Variants in GRID2 observed in about 807,000 individuals in gnomAD.
GRID2 encodes glutamate receptor ionotropic, delta-2.
In GRID2, 33 loss-of-function variants were observed where a neutral mutation model predicts 114.8. The observed-to-expected ratio is 0.29, with a 90% confidence interval of 0.22 to 0.38. The LOEUF is 0.38. Among genes scored for constraint, GRID2 ranks in the 10% least tolerant of loss-of-function variants. GRID2 has a pLI of 1.00. For synonymous variants in GRID2, 505 were observed against 449.9 expected, an observed-to-expected ratio of 1.12 and a Z score of -1.55; for missense variants, 1,184 against 1,257.7, an observed-to-expected ratio of 0.94 and a Z score of 0.89.
At chr4:92,475,661 T>C (rs1461159219) in intron 1 of GRID2, among the ~76,000 whole-genome samples, 1 of 152,016 alleles carries the variant, frequency 6.6e-6, no homozygotes, top group Non-Finnish European at 1.5e-5. Flanking sequence ...TTGGGGTCTT[T>C]TATGGTTCTG....
At chr4:93,148,630 A>T (rs1054423575) in intron 4 of GRID2, among the ~76,000 whole-genome samples, 2 of 152,174 alleles carry the variant, frequency 1.3e-5, no homozygotes, top group African/African-American at 4.8e-5. Flanking sequence ...AGGAGGTATT[A>T]GTTTAAATAT....
chr4:93,320,516 T>TC (rs1462025163), intron 8 of GRID2, among the ~76,000 whole-genome samples: 2 of 151,998 alleles, frequency 1.3e-5, no homozygotes, highest in African/African-American at 4.8e-5. Context: ...CTTCTGTAAG[T>TC]GATTTTTGAG....
chr4:93,363,383 G>A (rs911996841), intron 8 of GRID2, among the ~76,000 whole-genome samples: 1 of 152,028 alleles, frequency 6.6e-6, no homozygotes, highest in Non-Finnish European at 1.5e-5. Context: ...CCCTCGATGT[G>A]GTTAAGAGGA....
intron 13 of GRID2, among the ~76,000 whole-genome samples, chr4:93,571,744 A>T (rs1003450163): frequency 6.6e-6 from 1 of 152,156 alleles, no homozygotes. Flanking sequence ...AATGCATAGT[A>T]ATGCATAGCT....
intron 10 of GRID2, among the ~76,000 whole-genome samples, chr4:93,424,527 T>G (rs1185074354): frequency 6.6e-6 from 1 of 152,180 alleles, no homozygotes. Context: ...CATATATTAT[T>G]TCTGATGAGA....
At chr4:93,632,147 T>G (rs144326077) in intron 14 of GRID2, among the ~76,000 whole-genome samples, 6,257 of 152,250 alleles carry the variant, frequency 0.041, 430 homozygotes, top group African/African-American at 0.14. Flanking sequence ...TTGCAAAAAT[T>G]TTCTCCCATT....
In GRID2 at chr4:93,353,162, G is replaced by T. The variant is rs562406891; in HGVS notation, c.1246-42445G>T. Among the ~76,000 whole-genome samples the T allele has an allele frequency of 8.7e-4, 133 of 152,114 alleles. 1 individual carries two copies. The highest frequency in any genetic ancestry group is 2.6e-4 in the Non-Finnish European group (18 of 67,978). The stretch of plus-strand genomic sequence containing the variant: ...TGGCTTTGAGGTAACACATAGTAGT[G>T]AGCGTGGACTTCCATGGTTCATACA... On this transcript the variant is annotated intron_variant, in intron 8 of 15. Coordinates refer to ENST00000282020, the MANE Select transcript of GRID2 (RefSeq NM_001510.4).
chr4:92,345,354 T>C (rs1457939431), intron 1 of GRID2, among the ~76,000 whole-genome samples: 1 of 152,236 alleles, frequency 6.6e-6, no homozygotes, highest in South Asian at 2.1e-4. Flanking sequence ...TATCCACTTT[T>C]TGGTCGATGG....
rs1735537096 is a variant in GRID2, at chr4:93,567,437, G to A, written c.2193+52026G>A. On this transcript the variant is annotated intron_variant, in intron 13 of 15. Coordinates refer to ENST00000282020, the MANE Select transcript of GRID2 (RefSeq NM_001510.4). ...TCTCTGCCAAAGGATTGAGAAAGGC[G>A]TCTTCTGATCTTAGATTAATTTTAC... Among the ~76,000 whole-genome samples the A allele has an allele frequency of 5.3e-5, 8 of 152,114 alleles. No homozygotes were observed. The South Asian group carries it at 1.5e-3, about 28-fold the overall frequency.
At chr4:92,470,964 C>T (rs1029662521) in intron 1 of GRID2, among the ~76,000 whole-genome samples, 4 of 151,362 alleles carry the variant, frequency 2.6e-5, no homozygotes, top group African/African-American at 9.7e-5. Context: ...TGTCTACATA[C>T]AGTATTATTG....
chr4:92,466,829 T>C (rs549425392), intron 1 of GRID2, among the ~76,000 whole-genome samples: 2 of 151,766 alleles, frequency 1.3e-5, no homozygotes, highest in Non-Finnish European at 3.0e-5. Context: ...TATATATATA[T>C]ATGTGTGTGT....
chr4:92,567,489 C>A (rs1354434167), intron 1 of GRID2, among the ~76,000 whole-genome samples: 1 of 151,924 alleles, frequency 6.6e-6, no homozygotes, highest in Non-Finnish European at 1.5e-5. Flanking sequence ...TATCTTAATT[C>A]AAGAAGGATA....
At chr4:93,286,765 T>TTA (rs545217626) in intron 8 of GRID2, among the ~76,000 whole-genome samples, 2,143 of 151,754 alleles carry the variant, frequency 0.014, 45 homozygotes, top group African/African-American at 0.047. Context: ...CCAACCAGAA[T>TTA]TATATATATA....
At chr4:92,377,417 GCAAAGC>G (rs1729408378) in intron 1 of GRID2, among the ~76,000 whole-genome samples, 1 of 151,966 alleles carries the variant, frequency 6.6e-6, no homozygotes, top group South Asian at 2.1e-4. Context: ...AGCATTTTGG[GCAAAGC>G]CATTCAACAA....
chr4:92,577,553 G>A (rs1727956187), intron 1 of GRID2, among the ~76,000 whole-genome samples: 1 of 152,186 alleles, frequency 6.6e-6, no homozygotes, highest in Non-Finnish European at 1.5e-5. Flanking sequence ...ATTCAGAAGA[G>A]ATGATTTTAC....
intron 14 of GRID2, among the ~76,000 whole-genome samples, chr4:93,684,444 C>T (rs1353012181): frequency 2.0e-5 from 3 of 151,988 alleles, no homozygotes; most frequent in African/African-American, 7.2e-5. Context: ...TTTTTGTTAC[C>T]ATTGACTACA....
chr4:92,379,174 G>A (rs973827694), intron 1 of GRID2, among the ~76,000 whole-genome samples: 3 of 151,240 alleles, frequency 2.0e-5, no homozygotes, highest in Admixed American at 1.3e-4. Flanking sequence ...ATGATTATTG[G>A]CATAATTATA....
chr4:92,459,138 C>A (rs1309077365), intron 1 of GRID2, among the ~76,000 whole-genome samples: 3 of 152,186 alleles, frequency 2.0e-5, no homozygotes, highest in East Asian at 1.9e-4. Flanking sequence ...ATTTTTAACT[C>A]ATAGCAAAAG....
chr4:92,824,116 C>T (rs921920803), intron 2 of GRID2, among the ~76,000 whole-genome samples: 1 of 152,060 alleles, frequency 6.6e-6, no homozygotes, highest in Non-Finnish European at 1.5e-5. Context: ...AAGGTTAGGC[C>T]AGGTGAACAG....
Sources: gnomAD v4.1 joint callset for allele counts (sites outside exome capture counted in the v4.1 genomes callset) on GRCh38, gnomAD v4.1.1 for gene constraint, MANE v1.5 for transcripts, NCBI Gene and HGNC (gene_info 2026-07-23, HGNC 2026-07-21) for gene names.